Variants in PPP2R2A observed in about 807,000 individuals in gnomAD.
PPP2R2A encodes serine/threonine-protein phosphatase 2A 55 kDa regulatory subunit B alpha isoform.
PPP2R2A carries 9 observed loss-of-function variants against 53.2 expected under a neutral mutation model. That is an observed-to-expected ratio of 0.17 (90% CI 0.10 to 0.30). The LOEUF (loss-of-function observed/expected upper bound fraction) is 0.30. Among genes scored for constraint, PPP2R2A ranks in the 10% least tolerant of loss-of-function variants. The probability of loss-of-function intolerance (pLI) is 1.00; values close to 1 mark genes in which losing one functional copy is unlikely to be tolerated. For synonymous variants in PPP2R2A, 169 were observed against 174.2 expected (o/e 0.97, Z 0.23); for missense variants, 235 against 534.6 (o/e 0.44, Z 5.53).
At chr8:26,350,734 T>A (rs1681241076) in intron 3 of PPP2R2A, 1 of 152,234 alleles carries the variant, frequency 6.6e-6, no homozygotes, top group Non-Finnish European at 1.5e-5. Context: ...TATTGGCTAT[T>A]TGGATGTTAT....
chr8:26,305,041 A>C (rs2117213003), intron 2 of PPP2R2A, among the ~76,000 whole-genome samples: 1 of 152,300 alleles, frequency 6.6e-6, no homozygotes, highest in South Asian at 2.1e-4. Flanking sequence ...TCGTCTTGCA[A>C]AACTGAAACT....
intron 2 of PPP2R2A, among the ~76,000 whole-genome samples, chr8:26,336,605 ATGGTAGCGC>A (rs1170851145): frequency 6.6e-6 from 1 of 152,104 alleles, no homozygotes; most frequent in Non-Finnish European, 1.5e-5. Context: ...CCGGCTGGGT[ATGGTAGCGC>A]TTGCAAACTT....
chr8:26,294,407 T>A (rs1801451614), intron 2 of PPP2R2A, among the ~76,000 whole-genome samples: 1 of 152,234 alleles, frequency 6.6e-6, no homozygotes, highest in Admixed American at 6.5e-5. Context: ...TCCCCAAATT[T>A]ATTTTCTAAC....
chr8:26,364,609 A>G (rs1239513886), intron 8 of PPP2R2A, among the ~76,000 whole-genome samples: 2 of 152,236 alleles, frequency 1.3e-5, no homozygotes, highest in Admixed American at 1.3e-4. Flanking sequence ...TATATTCTCA[A>G]TAGACTGGGA....
Position 26,306,910 on chromosome 8 carries a change from C to T in PPP2R2A, c.82+13170C>T, listed in dbSNP as rs561097951. On this transcript the variant is annotated intron_variant, in intron 2 of 9. Transcript: ENST00000380737. ...TCTCTCTTCTTTCTCCCAGTTTCTT[C>T]GTCCTCTCACCAGAGATGCCATCAC... 2.7e-3 allele frequency among the ~76,000 whole-genome samples: 406 copies of T among 152,316 alleles called. 1 individual carries two copies. Among genetic ancestry groups the T allele is most frequent in the African/African-American group, 9.2e-3 (382 of 41,572 alleles).
chr8:26,298,594 T>G (rs1049967707), intron 2 of PPP2R2A: 1 of 152,238 alleles, frequency 6.6e-6, no homozygotes, highest in African/African-American at 2.4e-5. Context: ...CTGCAGTGTT[T>G]ATTTCATCCT....
intron 1 of PPP2R2A, among the ~76,000 whole-genome samples, chr8:26,292,592 TAG>T (rs1312494990): frequency 1.3e-5 from 2 of 151,988 alleles, no homozygotes; most frequent in African/African-American, 2.4e-5. Context: ...GAGATTTAGG[TAG>T]AAGCTTTGAA....
rs149030730 is a variant in PPP2R2A at position 26,362,560 on chromosome 8, A to G, written c.638-124A>G. ...CTTTGGAATTTATACTCATAAAAAC[A>G]GTGGAGTGCAATTCAGAATTAATAT... On this transcript the variant is annotated intron_variant, in intron 6 of 9. Coordinates refer to ENST00000380737, the MANE Select transcript of PPP2R2A (RefSeq NM_002717.4). This position sits in a 1 kb window ranked among gnomAD's most constrained non-coding sequence, Gnocchi z 4.4. The G allele has an allele frequency of 1.2e-6, 1 of 846,272 alleles. No individual in the cohort carries two copies. Among genetic ancestry groups the G allele is most frequent in the Non-Finnish European group, 1.8e-6 (1 of 555,776 alleles). 52.4% of individuals were successfully genotyped at this position (846,272 alleles called of 1,614,324 possible).
At chr8:26,349,008 G>A (rs1031426201) in intron 3 of PPP2R2A, among the ~76,000 whole-genome samples, 1 of 151,910 alleles carries the variant, frequency 6.6e-6, no homozygotes, top group African/African-American at 2.4e-5. Flanking sequence ...AGAGACTGTT[G>A]GAACCATTGA....
intron 2 of PPP2R2A, among the ~76,000 whole-genome samples, chr8:26,304,325 CATT>C (rs1487661187): frequency 1.3e-5 from 2 of 150,350 alleles, no homozygotes; most frequent in Non-Finnish European, 3.0e-5. Flanking sequence ...TGGGTAAAAA[CATT>C]AGAAGGATAT....
intron 3 of PPP2R2A, 133 bp downstream of exon 3, chr8:26,339,120 A>G: frequency 1.6e-6 from 1 of 629,392 alleles, no homozygotes; most frequent in Non-Finnish European, 2.8e-6. Flanking sequence ...AATGTCCAAT[A>G]TATAGACAGC....
At chr8:26,299,271 A>G (rs1158075723) in intron 2 of PPP2R2A, among the ~76,000 whole-genome samples, 1 of 152,214 alleles carries the variant, frequency 6.6e-6, no homozygotes, top group East Asian at 1.9e-4. Context: ...CAAAAAAAAA[A>G]AAGGAACAAC....
chr8:26,307,334 T>C (rs972218651), intron 2 of PPP2R2A, among the ~76,000 whole-genome samples: 2 of 152,242 alleles, frequency 1.3e-5, no homozygotes, highest in South Asian at 4.1e-4. Flanking sequence ...AAGTCTTCTT[T>C]CTCCACTTGA....
chr8:26,307,260 A>G (rs1802065033), intron 2 of PPP2R2A, among the ~76,000 whole-genome samples: 1 of 152,256 alleles, frequency 6.6e-6, no homozygotes, highest in African/African-American at 2.4e-5. Flanking sequence ...TATCTAAGAT[A>G]TACAAGTCTT....
intron 2 of PPP2R2A, among the ~76,000 whole-genome samples, chr8:26,307,466 G>A (rs1172094082): frequency 6.6e-6 from 1 of 152,198 alleles, no homozygotes; most frequent in Admixed American, 6.5e-5. Context: ...GTTCTTAAGT[G>A]TTCAGTAAAC....
intron 2 of PPP2R2A, among the ~76,000 whole-genome samples, chr8:26,328,286 CACTG>C (rs940800886): frequency 3.9e-5 from 6 of 152,116 alleles, no homozygotes; most frequent in African/African-American, 7.2e-5. Context: ...TTATAGAACT[CACTG>C]AGAGAGTTCA....
At chr8:26,306,889 T>G (rs78400423) in intron 2 of PPP2R2A, among the ~76,000 whole-genome samples, 2,342 of 152,338 alleles carry the variant, frequency 0.015, 22 homozygotes, top group Middle Eastern at 0.048. Flanking sequence ...TATGCTTCTC[T>G]CTTCTTTCTC....
chr8:26,354,451 T>C lies in PPP2R2A; in HGVS notation c.181-17T>C, dbSNP rs1442543241. 1 of 1,499,546 alleles carries C rather than the reference T, an allele frequency of 6.7e-7. No individual in the cohort carries two copies. The highest frequency in any genetic ancestry group is 1.4e-5 in the African/African-American group (1 of 71,472). The allele number at this position is 1,499,546 out of a possible 1,614,324, so 92.9% of individuals were successfully genotyped here. A position where few individuals can be genotyped will look rare whatever the true frequency, so the allele number is the denominator to read the frequency against. On this transcript the variant is annotated splice_polypyrimidine_tract_variant and intron_variant, in intron 3 of 9. Transcript: ENST00000380737. This position sits in a 1 kb window ranked among gnomAD's most constrained non-coding sequence, Gnocchi z 4.6. ...TATTTTTCAACAATGGTCCATATAT[T>C]TTTGTTTTCATTTTAGAACAAAATC...
chr8:26,361,260 A>G (rs1805068210), intron 6 of PPP2R2A, 109 bp downstream of exon 6: 2 of 1,061,796 alleles, frequency 1.9e-6, no homozygotes, highest in Admixed American at 5.8e-5. Context: ...GTCTGTGTAC[A>G]TATATGTATG....
Sources: gnomAD v4.1 joint callset for allele counts (sites outside exome capture counted in the v4.1 genomes callset) on GRCh38, gnomAD v4.1.1 for gene constraint, Gnocchi (gnomAD v3.1) non-coding constraint, MANE v1.5 for transcripts, NCBI Gene and HGNC (gene_info 2026-07-23, HGNC 2026-07-21) for gene names.